The following PACS2 variants were observed in gnomAD, a reference collection of about 807,000 sequenced individuals.
PACS2 encodes the protein phosphofurin acidic cluster sorting protein 2.
In PACS2, 36 loss-of-function variants were observed where a neutral mutation model predicts 113.0. The ratio of observed to expected loss-of-function variants is 0.32; its 90% CI spans 0.24 to 0.42. The LOEUF (loss-of-function observed/expected upper bound fraction) is 0.42, where lower values mean the gene tolerates loss of function less well. Ranked by LOEUF, PACS2 falls within the 10% of genes least tolerant of loss-of-function variation. The probability of loss-of-function intolerance (pLI) is 1.00; values close to 1 mark genes in which losing one functional copy is unlikely to be tolerated. For synonymous variants in PACS2, 589 were observed against 536.1 expected, an observed-to-expected ratio of 1.10 and a Z score of -1.36; for missense variants, 1,015 against 1,239.5, an observed-to-expected ratio of 0.82 and a Z score of 2.72.
intron 1 of PACS2, among the ~76,000 whole-genome samples, chr14:105,344,509 T>C (rs1274634819): frequency 1.3e-5 from 2 of 152,214 alleles, no homozygotes; most frequent in African/African-American, 4.8e-5. Context: ...TGTGGCTTTC[T>C]AGGGAAATGA....
intron 7 of PACS2, among the ~76,000 whole-genome samples, chr14:105,369,256 G>T (rs2141157001): frequency 6.6e-6 from 1 of 152,384 alleles, no homozygotes; most frequent in Non-Finnish European, 1.5e-5. Flanking sequence ...CTGGAGAGCA[G>T]CCCCCGCTGT....
Position 105,317,046 on chromosome 14 carries a change from C to G in PACS2, c.119+2009C>G, listed in dbSNP as rs901944999. On this transcript the variant is annotated intron_variant, in intron 1 of 24. Coordinates refer to ENST00000447393, the MANE Select transcript of PACS2 (RefSeq NM_001100913.3). This position sits in a 1 kb window ranked among gnomAD's most constrained non-coding sequence, Gnocchi z 4.2. ...TAGCTTTGCTTTGTGCTTGTGCCGC[C>G]TGTCCGTGCATCCTCGGACAGTCTG... 6.6e-6 allele frequency among the ~76,000 whole-genome samples: 1 copy of G among 152,234 alleles called. No homozygotes were observed. Among genetic ancestry groups the G allele is most frequent in the African/African-American group, 2.4e-5 (1 of 41,460 alleles).
chr14:105,368,955 A>G (rs28450137), intron 7 of PACS2, among the ~76,000 whole-genome samples: 13,569 of 152,246 alleles, frequency 0.089, 2,047 homozygotes, highest in African/African-American at 0.31. Flanking sequence ...AGGGCTGTTC[A>G]GCATTTTTTC....
Position 105,354,969 on chromosome 14 carries a change from C to A in PACS2, c.298-83C>A. The A allele has an allele frequency of 6.9e-7, 1 of 1,442,364 alleles. No homozygotes were observed. 89.3% of individuals were successfully genotyped at this position (1,442,364 alleles called of 1,614,324 possible). ...AGCAGGTTGGCCTGGTCGCAGGCTG[C>A]AGGGTGGCTGGGCCGTCAGAGGCCG... On this transcript the variant is annotated intron_variant, in intron 3 of 24. Coordinates refer to ENST00000447393, the MANE Select transcript of PACS2 (RefSeq NM_001100913.3). The surrounding 1 kb of genome is among the most constrained non-coding windows in gnomAD (Gnocchi z 4.2).
chr14:105,373,594 TA>T (rs1194914012), intron 8 of PACS2, among the ~76,000 whole-genome samples: 1 of 152,140 alleles, frequency 6.6e-6, no homozygotes, highest in African/African-American at 2.4e-5. Flanking sequence ...GCAGATTGCA[TA>T]AGTCCACATA....
intron 1 of PACS2, among the ~76,000 whole-genome samples, chr14:105,320,079 G>A (rs1217368840): frequency 2.0e-5 from 3 of 152,024 alleles, no homozygotes; most frequent in Non-Finnish European, 4.4e-5. Flanking sequence ...CCAGGTTCAA[G>A]CAATTCCCCT....
chr14:105,392,349 C>T, intron 22 of PACS2: 2 of 519,126 alleles, frequency 3.9e-6, no homozygotes, highest in South Asian at 4.5e-5. Context: ...GCCCTCACGA[C>T]TCCAAGGGGC....
chr14:105,386,662 C>T (rs1401916205), intron 19 of PACS2, among the ~76,000 whole-genome samples: 1 of 152,052 alleles, frequency 6.6e-6, no homozygotes, highest in Non-Finnish European at 1.5e-5. Context: ...GAAACCCCCC[C>T]AACCCCCTGA....
intron 1 of PACS2, among the ~76,000 whole-genome samples, chr14:105,308,768 A>C (rs138800733): frequency 6.6e-6 from 1 of 151,952 alleles, no homozygotes; most frequent in South Asian, 2.1e-4. Flanking sequence ...GGCATGAGCC[A>C]CTGTGCCCAG....
intron 8 of PACS2, among the ~76,000 whole-genome samples, chr14:105,375,221 T>C (rs1472495104): frequency 3.3e-5 from 5 of 152,164 alleles, no homozygotes; most frequent in African/African-American, 1.2e-4. Context: ...CGCTCACACC[T>C]GTAATCCCAG....
intron 1 of PACS2, among the ~76,000 whole-genome samples, chr14:105,344,953 T>C (rs1025815198): frequency 6.0e-5 from 9 of 150,644 alleles, no homozygotes; most frequent in Non-Finnish European, 8.8e-5. Context: ...ACCAAAAATA[T>C]AAAAAATTAG....
chr14:105,378,237 G>A (rs1275880698), intron 9 of PACS2, among the ~76,000 whole-genome samples: 1 of 152,212 alleles, frequency 6.6e-6, no homozygotes, highest in Non-Finnish European at 1.5e-5. Flanking sequence ...CCGTGGTGTT[G>A]GCTGTATCTG....
At chr14:105,336,118 G>T (rs1776715749) in intron 1 of PACS2, among the ~76,000 whole-genome samples, 1 of 152,200 alleles carries the variant, frequency 6.6e-6, no homozygotes, top group South Asian at 2.1e-4. Context: ...GCACCAAGGG[G>T]GCAGCTCCTG....
At position 105,383,427 on chromosome 14, in the gene PACS2, G is replaced by A; in HGVS notation, c.1694G>A (p.Ser565Asn). The change falls in exon 16 of 25, where the codon AGT becomes AAT. Residue 565 changes from serine to asparagine, a missense_variant. Ser to Asn is a conservative substitution (Grantham distance 46). Transcript: ENST00000447393. Reference protein sequence around the residue: ...IAVAGAQHYLSAILRLFVEQL... With the variant: ...IAVAGAQHYLNAILRLFVEQL... ...GTGGCGGGAGCGCAGCATTACCTCA[G>A]TGCCATCCTGCGGCTCTTTGTGGAG... 6.2e-7 allele frequency: 1 copy of A among 1,609,566 alleles called. No homozygotes were observed. The highest frequency in any genetic ancestry group is 1.7e-5 in the Admixed American group (1 of 60,012).
chr14:105,387,921 A>G (rs3935442), intron 19 of PACS2, among the ~76,000 whole-genome samples: 5 of 152,092 alleles, frequency 3.3e-5, no homozygotes, highest in African/African-American at 1.2e-4. Flanking sequence ...ATTTCCAAAC[A>G]CTGGTCTGCT....
chr14:105,301,480 G>A (rs1355910602), intron 1 of PACS2, among the ~76,000 whole-genome samples: 1 of 151,862 alleles, frequency 6.6e-6, no homozygotes, highest in African/African-American at 2.4e-5. Context: ...AGGGCGACCT[G>A]GGACCCAACC....
At chr14:105,368,229 C>T (rs1410897303) in intron 6 of PACS2, 82 bp downstream of exon 6, 2 of 1,059,122 alleles carry the variant, frequency 1.9e-6, no homozygotes, top group Non-Finnish European at 2.9e-6. Context: ...CCAGCTGTCA[C>T]CAGGGCCTCG....
Position 105,383,374 on chromosome 14 carries a change from C to T in PACS2, c.1641C>T (p.Ser547=). The change falls in exon 16 of 25, where the codon TCC becomes TCT. Residue 547 remains serine, a synonymous_variant. Coordinates refer to ENST00000447393, the MANE Select transcript of PACS2 (RefSeq NM_001100913.3). ...SRIQRYCNCN[S]QPPTPVKIAV... ...TGGATTGCAGCTGCAACTGCAATTC[C>T]CAGCCCCCGACCCCCGTGAAGATCG... The T allele has an allele frequency of 6.2e-7, 1 of 1,607,784 alleles. No homozygotes were observed. Among genetic ancestry groups the T allele is most frequent in the Non-Finnish European group, 8.5e-7 (1 of 1,179,952 alleles).
At position 105,348,011 on chromosome 14, in the gene PACS2, A is replaced by C. The variant is rs191329670; in HGVS notation, c.120-482A>C. Among the ~76,000 whole-genome samples, 13 of 152,222 alleles carry C rather than the reference A, an allele frequency of 8.5e-5. No individual in the cohort carries two copies. In the East Asian group the frequency reaches 2.3e-3, roughly 27 times the overall value. ...GGAATGATGGAGGTGAAATGAACAG[A>C]AGGAAGGTTGGGGGAAAGCGTATCC... On this transcript the variant is annotated intron_variant, in intron 1 of 24. Transcript: ENST00000447393. This position sits in a 1 kb window ranked among gnomAD's most constrained non-coding sequence, Gnocchi z 6.4.
Sources: gnomAD v4.1 joint callset for allele counts (sites outside exome capture counted in the v4.1 genomes callset) on GRCh38, gnomAD v4.1.1 for gene constraint, Gnocchi (gnomAD v3.1) non-coding constraint, MANE v1.5 for transcripts, NCBI Gene and HGNC (gene_info 2026-07-23, HGNC 2026-07-21) for gene names.